KRT37: variants seen among roughly 807,000 people sequenced by gnomAD.
The protein encoded by KRT37 is keratin, type I cuticular Ha7.
KRT37 carries 38 observed loss-of-function variants against 41.9 expected under a neutral mutation model. That is an observed-to-expected ratio of 0.91 (90% CI 0.70 to 1.19). KRT37 has a LOEUF of 1.19. KRT37 is among the 50% of genes most tolerant of loss of function. The pLI is 0.00. For synonymous variants in KRT37, 252 were observed against 243.4 expected (o/e 1.04, Z -0.33); for missense variants, 580 against 575.5 (o/e 1.01, Z -0.08).
intron 5 of KRT37, 75 bp downstream of exon 5, chr17:41,421,994 T>C: frequency 1.2e-6 from 2 of 1,606,586 alleles, no homozygotes; most frequent in Non-Finnish European, 1.7e-6. Flanking sequence ...AACTGATTTG[T>C]GAGACTTTAA....
In KRT37 at chr17:41,421,600, A is replaced by T; in HGVS notation, c.1021-13T>A. ...GCAGACAGTCCTTCTGTAATGGGAA[A>T]TAATGGGGTAAGAGATCCAGGTGCC... is the stretch of plus-strand genomic sequence containing the variant. On this transcript the variant is annotated splice_polypyrimidine_tract_variant and intron_variant, in intron 5 of 6. Transcript: ENST00000225550. The T allele has an allele frequency of 6.2e-7, 1 of 1,612,152 alleles. No individual in the cohort carries two copies. The highest frequency in any genetic ancestry group is 8.5e-7 in the Non-Finnish European group (1 of 1,178,262).
At chr17:41,423,159 T>C (rs560310092) in intron 2 of KRT37, among the ~76,000 whole-genome samples, 1 of 152,236 alleles carries the variant, frequency 6.6e-6, no homozygotes, top group African/African-American at 2.4e-5. Flanking sequence ...CAGAATTCCA[T>C]GCCCAGTTAA....
At position 41,422,333 on chromosome 17, in the gene KRT37, A is replaced by C; in HGVS notation, c.834T>G (p.Ala278=). The C allele has an allele frequency of 6.2e-7, 1 of 1,614,118 alleles. No homozygotes were observed. The highest frequency in any genetic ancestry group is 2.2e-5 in the East Asian group (1 of 44,870). ...DLNRVLGEMR[A]QYEAMVETNH... is the part of the protein sequence containing the mutation. ...TGGTCTCCACCATGGCCTCGTACTG[A>C]GCCCGCATCTCCCCCAACACCCTGT... The change falls in exon 4 of 7, where the codon GCT becomes GCG. Residue 278 remains alanine, a synonymous_variant. Transcript: ENST00000225550.
Position 41,423,568 on chromosome 17 carries a change from C to T in KRT37, c.575+194G>A, listed in dbSNP as rs2018572431. 13 of 577,622 alleles carry T rather than the reference C, an allele frequency of 2.3e-5. No individual in the cohort carries two copies. The South Asian group carries it at 3.2e-4, about 14-fold the overall frequency. 35.8% of individuals were successfully genotyped at this position (577,622 alleles called of 1,614,324 possible). ...AATCTAGACTACAGCCCTTCTTTTTCTTTCAATGCTTATATTCTCTTTCCT... is the reference window on the plus strand; with the variant it reads ...AATCTAGACTACAGCCCTTCTTTTTTTTTCAATGCTTATATTCTCTTTCCT... On this transcript the variant is annotated intron_variant, in intron 2 of 6. Coordinates refer to ENST00000225550, the MANE Select transcript of KRT37 (RefSeq NM_003770.5).
At chr17:41,423,528 A>T in intron 2 of KRT37, 1 of 489,058 alleles carries the variant, frequency 2.0e-6, no homozygotes, top group Non-Finnish European at 3.6e-6. Context: ...GGAGAAAGTG[A>T]CATAGGTTCT....
chr17:41,423,854 A>C lies in KRT37; in HGVS notation c.493-10T>G, dbSNP rs2018575515. Reference sequence around the variant, plus strand: ...CCTTGCTGCACAGGATCTGAGGAAAACGGAAAGACGGTTCACACACAAAGC... The same window carrying C: ...CCTTGCTGCACAGGATCTGAGGAAACCGGAAAGACGGTTCACACACAAAGC... On this transcript the variant is annotated splice_polypyrimidine_tract_variant and intron_variant, in intron 1 of 6. Transcript: ENST00000225550. 1 of 1,614,002 alleles carries C rather than the reference A, an allele frequency of 6.2e-7. No individual in the cohort carries two copies. The highest frequency in any genetic ancestry group is 8.5e-7 in the Non-Finnish European group (1 of 1,179,974).
chr17:41,422,129 G>T lies in KRT37; in HGVS notation c.960C>A (p.Ile320=), dbSNP rs747814297. 3.7e-6 allele frequency: 6 copies of T among 1,614,204 alleles called. No individual in the cohort carries two copies. The highest frequency in any genetic ancestry group is 1.7e-5 in the Admixed American group (1 of 60,028). Residue 320 remains isoleucine, a synonymous_variant, in exon 5 of 7, where the codon ATC becomes ATA. Transcript: ENST00000225550. ...SEELQCCQSE[I]LELRCTVNAL... is the part of the protein sequence containing the mutation. The stretch of plus-strand genomic sequence containing the variant: ...CATTCACCGTGCATCTCAGCTCCAG[G>T]ATCTCCGACTGGCAGCACTGCAGCT...
rs912130119 is a variant in KRT37 at position 41,420,675 on chromosome 17, G to A, written c.*203C>T. 3 of 449,542 alleles carry A rather than the reference G, an allele frequency of 6.7e-6. No homozygotes were observed. Among genetic ancestry groups the A allele is most frequent in the Admixed American group, 3.8e-5 (1 of 26,406 alleles). 27.8% of individuals were successfully genotyped at this position (449,542 alleles called of 1,614,324 possible). A position where few individuals can be genotyped will look rare whatever the true frequency, so the allele number is the denominator to read the frequency against. ...CACCAGGAAAAATAATTGCTTTCAT[G>A]GAAGATAATTACAACATTTTAGCAA... On this transcript the variant is annotated 3_prime_UTR_variant, in exon 7 of 7. Coordinates refer to ENST00000225550, the MANE Select transcript of KRT37 (RefSeq NM_003770.5).
chr17:41,423,921 C>CT, intron 1 of KRT37, 77 bp from the exon 2 acceptor site: 1 of 1,606,712 alleles, frequency 6.2e-7, no homozygotes, highest in Non-Finnish European at 8.5e-7. Context: ...TATTTACGCT[C>CT]ATGTCCAAGA....
chr17:41,422,400 T>C lies in KRT37; in HGVS notation c.767A>G (p.Lys256Arg), dbSNP rs533120443. 6 of 1,614,176 alleles carry C rather than the reference T, an allele frequency of 3.7e-6. No homozygotes were observed. The South Asian group carries it at 5.5e-5, about 15-fold the overall frequency. Residue 256 changes from lysine (K) to arginine (R), a missense_variant, in exon 4 of 7, where the codon AAG (lysine) becomes AGG (arginine). Coordinates refer to ENST00000225550, the MANE Select transcript of KRT37 (RefSeq NM_003770.5). ...CTCAATGTCCAGCTCGATCCGGAAC[T>C]TCTCCCCCAGCTGACTCCTCAGAAT... The part of the protein sequence containing the change: ...VKILRSQLGE[K>R]FRIELDIEPT...
At position 41,421,520 on chromosome 17, in the gene KRT37, T is replaced by C. The variant is rs1174088728; in HGVS notation, c.1088A>G (p.Gln363Arg). 1 of 1,614,254 alleles carries C rather than the reference T, an allele frequency of 6.2e-7. No individual in the cohort carries two copies. Among genetic ancestry groups the C allele is most frequent in the Admixed American group, 1.7e-5 (1 of 60,034 alleles). The part of the protein sequence containing the change: ...DRYGTELAQM[Q>R]SLISNLEEQL... ...CTCTTCCAAGTTGCTAATGAGGCTCTGCATCTGGGCCAGCTCTGTGCCGTA... is the reference window on the plus strand; with the variant it reads ...CTCTTCCAAGTTGCTAATGAGGCTCCGCATCTGGGCCAGCTCTGTGCCGTA... Residue 363 changes from glutamine to arginine, a missense_variant, in exon 6 of 7, where the codon CAG becomes CGG. Gln to Arg is a conservative substitution (Grantham distance 43, BLOSUM62 1). Coordinates refer to ENST00000225550, the MANE Select transcript of KRT37 (RefSeq NM_003770.5).
In KRT37 at chr17:41,422,410, G is replaced by C. The variant is rs757550665; in HGVS notation, c.757C>G (p.Leu253Val). ...AGCTCGATCCGGAACTTCTCCCCCA[G>C]CTGACTCCTCAGAATCTTTACTTCC... Reference protein sequence around the residue: ...EQEVKILRSQLGEKFRIELDI... With the variant: ...EQEVKILRSQVGEKFRIELDI... Residue 253 changes from leucine to valine, a missense_variant, in exon 4 of 7, where the codon CTG becomes GTG. By Grantham distance (32) the Leu-to-Val change is conservative (BLOSUM62 1). Transcript: ENST00000225550. 5 of 1,614,166 alleles carry C rather than the reference G, an allele frequency of 3.1e-6. No homozygotes were observed. Among genetic ancestry groups the C allele is most frequent in the Non-Finnish European group, 4.2e-6 (5 of 1,180,016 alleles).
intron 5 of KRT37, 107 bp downstream of exon 5, chr17:41,421,962 G>T: frequency 6.3e-7 from 1 of 1,576,240 alleles, no homozygotes; most frequent in Non-Finnish European, 8.6e-7. Flanking sequence ...GAGGACCCCA[G>T]ATCTTGACTT....
Position 41,423,743 on chromosome 17 carries a change from C to A in KRT37, c.575+19G>T, listed in dbSNP as rs768041849. 6.2e-6 allele frequency: 10 copies of A among 1,609,188 alleles called. No homozygotes were observed. The highest frequency in any genetic ancestry group is 7.7e-6 in the Non-Finnish European group (9 of 1,175,622). ...ACAGCAGGAGAGAAGTCACACTGAC[C>A]CTCCTCATCCTGACTTACTTGATCC... is the stretch of plus-strand genomic sequence containing the variant. On this transcript the variant is annotated intron_variant, in intron 2 of 6. Transcript: ENST00000225550.
At chr17:41,422,714 G>T (rs2018558430) in intron 3 of KRT37, 64 bp downstream of exon 3, 2 of 1,427,196 alleles carry the variant, frequency 1.4e-6, no homozygotes. Flanking sequence ...GAGAGCCCCA[G>T]GGCCGGGGAG....
chr17:41,420,958 C>G lies in KRT37; in HGVS notation c.1270G>C (p.Ala424Pro), dbSNP rs1017319642. The G allele has an allele frequency of 1.9e-6, 3 of 1,613,932 alleles. No individual in the cohort carries two copies. Among genetic ancestry groups the G allele is most frequent in the East Asian group, 2.2e-5 (1 of 44,884 alleles). The change falls in exon 7 of 7, where the codon GCC becomes CCC. Residue 424 changes from alanine (A) to proline (P), a missense_variant. Coordinates refer to ENST00000225550, the MANE Select transcript of KRT37 (RefSeq NM_003770.5). ...CAGCTTGGACAAGAAGTACAGGAGG[C>G]AGGCGTGGAACAGGGATTGCAGGGG... is the stretch of plus-strand genomic sequence containing the variant. The part of the protein sequence containing the change: ...KLPCNPCSTP[A>P]SCTSCPSCGP...
intron 4 of KRT37, 29 bp downstream of exon 4, chr17:41,422,244 T>A (rs2018550083): frequency 6.2e-7 from 1 of 1,613,834 alleles, no homozygotes; most frequent in African/African-American, 1.3e-5. Context: ...GGAGGCCAGG[T>A]ACTCCCTGGC....
chr17:41,421,244 G>A, intron 6 of KRT37, 123 bp downstream of exon 6: 1 of 1,065,642 alleles, frequency 9.4e-7, no homozygotes, highest in Non-Finnish European at 1.4e-6. Flanking sequence ...ATGAGTCACT[G>A]AGCAAGAGAG....
In KRT37 at chr17:41,422,187, C is replaced by T. The variant is rs2018549271; in HGVS notation, c.902G>A (p.Gly301Asp). The change falls in exon 5 of 7, where the codon GGC (glycine) becomes GAC (aspartate). Residue 301 changes from glycine to aspartate, a missense_variant. Gly to Asp is a moderately conservative substitution (Grantham distance 94). Transcript: ENST00000225550. Reference sequence around the variant, plus strand: ...GCAGGACATGGCCTGCAGGCTGATGCCTTCAGACTGGAGCACAGAGAAACA... The same window carrying T: ...GCAGGACATGGCCTGCAGGCTGATGTCTTCAGACTGGAGCACAGAGAAACA... The part of the protein sequence containing the change: ...VEQWFQAQSE[G>D]ISLQAMSCSE... The T allele has an allele frequency of 3.7e-6, 6 of 1,614,134 alleles. No homozygotes were observed. In the East Asian group the frequency reaches 6.7e-5, roughly 18 times the overall value.
Sources: allele counts gnomAD v4.1 joint callset (sites outside exome capture counted in the v4.1 genomes callset), GRCh38; gene constraint gnomAD v4.1.1; transcripts MANE v1.5; gene names NCBI Gene and HGNC (gene_info 2026-07-23, HGNC 2026-07-21).